SLC25A18: variants seen among roughly 807,000 people sequenced by gnomAD.
SLC25A18 encodes the protein mitochondrial glutamate carrier 2.
Under a neutral mutation model 31.1 loss-of-function variants are expected in SLC25A18, and 24 were observed. The observed-to-expected ratio is 0.77, with a 90% CI of 0.56 to 1.08. The LOEUF (loss-of-function observed/expected upper bound fraction) is 1.08. Among genes scored for constraint, SLC25A18 ranks in the 50% least tolerant of loss-of-function variants. The probability of loss-of-function intolerance (pLI) is 0.00; values close to 1 mark genes in which losing one functional copy is unlikely to be tolerated. For missense variants in SLC25A18, 371 were observed against 418.5 expected (o/e 0.89, Z 0.99); for synonymous variants, 173 against 161.9 (o/e 1.07, Z -0.52).
In SLC25A18 at chr22:17,590,085, T is replaced by C. The variant is rs774863788; in HGVS notation, c.807-10T>C. On this transcript the variant is annotated splice_polypyrimidine_tract_variant and intron_variant, in intron 10 of 10. Transcript: ENST00000327451. ...TGCCCATCAGCTCACTGGCTCTTCT[T>C]TCTCCCCAGGAAACTCTGGATTCAG... is the stretch of plus-strand genomic sequence containing the variant. 1.9e-6 allele frequency: 3 copies of C among 1,613,826 alleles called. No individual in the cohort carries two copies. The highest frequency in any genetic ancestry group is 3.3e-5 in the Admixed American group (2 of 60,012).
Position 17,580,229 on chromosome 22 carries a change from ATCG to A in SLC25A18, c.20+268_20+270del, listed in dbSNP as rs576418404. 3.5e-4 allele frequency: 138 copies of A among 398,138 alleles called. 1 individual carries two copies. In the South Asian group the frequency reaches 9.1e-3, roughly 26 times the overall value. 24.7% of individuals were successfully genotyped at this position (398,138 alleles called of 1,614,324 possible). The stretch of plus-strand genomic sequence containing the variant: ...CAAAATTAAGTTTACAGTTCTCTTT[ATCG>A]TCCCAAGTTTCTTCCTTTGTGAAAG... On this transcript the variant is annotated intron_variant, in intron 3 of 10. Coordinates refer to ENST00000327451, the MANE Select transcript of SLC25A18 (RefSeq NM_031481.3).
chr22:17,590,211 A>G lies in SLC25A18; in HGVS notation c.923A>G (p.Glu308Gly). The G allele has an allele frequency of 6.2e-7, 1 of 1,614,164 alleles. No homozygotes were observed. Among genetic ancestry groups the G allele is most frequent in the Non-Finnish European group, 8.5e-7 (1 of 1,180,030 alleles). Residue 308 changes from glutamate to glycine, a missense_variant, in exon 11 of 11, where the codon GAG becomes GGG. Coordinates refer to ENST00000327451, the MANE Select transcript of SLC25A18 (RefSeq NM_031481.3). The part of the protein sequence containing the change: ...AQGVYFIGIG[E>G]RILKCFD ...GGGGTCTATTTTATTGGGATTGGAG[A>G]GCGCATCTTAAAGTGTTTTGACTAG...
intron 1 of SLC25A18, among the ~76,000 whole-genome samples, chr22:17,566,617 G>T (rs989092937): frequency 2.6e-5 from 4 of 151,924 alleles, no homozygotes; most frequent in African/African-American, 9.7e-5. Flanking sequence ...TCTCCACGTT[G>T]GTCAGGCTGG....
In SLC25A18 at chr22:17,580,594, G is replaced by A. The variant is rs563043272; in HGVS notation, c.21-443G>A. The A allele has an allele frequency of 3.8e-5, 38 of 993,482 alleles. No homozygotes were observed. In the African/African-American group the frequency reaches 6.1e-4, roughly 16 times the overall value. The allele number at this position is 993,482 out of a possible 1,614,324, so 61.5% of individuals were successfully genotyped here. A position where few individuals can be genotyped will look rare whatever the true frequency, so the allele number is the denominator to read the frequency against. On this transcript the variant is annotated intron_variant, in intron 3 of 10. Transcript: ENST00000327451. The stretch of plus-strand genomic sequence containing the variant: ...TTCCATAGTCCTCAGCAACCCTGGA[G>A]TGAGTTCGACGGGAATGCAGGCCCA...
chr22:17,585,980 A>C (rs1025201046), intron 7 of SLC25A18, among the ~76,000 whole-genome samples: 1 of 152,010 alleles, frequency 6.6e-6, no homozygotes, highest in African/African-American at 2.4e-5. Context: ...ATGTGGTATA[A>C]CTCCATTCTA....
chr22:17,566,234 C>T (rs1032640360), intron 1 of SLC25A18, among the ~76,000 whole-genome samples: 5 of 152,118 alleles, frequency 3.3e-5, no homozygotes, highest in Non-Finnish European at 5.9e-5. Flanking sequence ...CTTCCCTCCC[C>T]GTCTCCTTAC....
Position 17,583,449 on chromosome 22 carries a change from C to T in SLC25A18, c.324C>T (p.Ala108=), listed in dbSNP as rs367806485. 1.1e-5 allele frequency: 17 copies of T among 1,613,938 alleles called. No individual in the cohort carries two copies. Among genetic ancestry groups the T allele is most frequent in the Admixed American group, 5.0e-5 (3 of 59,992 alleles). The change falls in exon 7 of 11, where the codon GCC becomes GCT. Residue 108 remains alanine, a synonymous_variant. Transcript: ENST00000327451. Reference sequence around the variant, plus strand: ...GGAACCTGAAGATGGAGATGCTTGCCGGGTGTGGGGCTGGGATGTGCCAGG... The same window carrying T: ...GGAACCTGAAGATGGAGATGCTTGCTGGGTGTGGGGCTGGGATGTGCCAGG... ...MQRNLKMEML[A]GCGAGMCQVV...
chr22:17,580,080 C>A, intron 3 of SLC25A18, 116 bp downstream of exon 3: 2 of 936,732 alleles, frequency 2.1e-6, no homozygotes, highest in Non-Finnish European at 3.3e-6. Flanking sequence ...AAGAGCAAGA[C>A]CCCTGTCCCC....
intron 4 of SLC25A18, 69 bp from the exon 5 acceptor site, chr22:17,581,289 G>A: frequency 6.2e-7 from 1 of 1,603,572 alleles, no homozygotes; most frequent in Non-Finnish European, 8.5e-7. Flanking sequence ...ATGTGCCCGC[G>A]GGAGCAGGGC....
chr22:17,580,559 C>CA lies in SLC25A18; in HGVS notation c.21-477dup, dbSNP rs528961707. 1.0e-5 allele frequency: 10 copies of CA among 990,062 alleles called. No homozygotes were observed. The South Asian group carries it at 1.4e-4, about 14-fold the overall frequency. The allele number at this position is 990,062 out of a possible 1,614,324, so 61.3% of individuals were successfully genotyped here. ...ATGAACAATAGCTGGCATTCCCCCC[C>CA]AGGCACGGTTTCCATAGTCCTCAGC... is the stretch of plus-strand genomic sequence containing the variant. On this transcript the variant is annotated intron_variant, in intron 3 of 10. Coordinates refer to ENST00000327451, the MANE Select transcript of SLC25A18 (RefSeq NM_031481.3).
intron 3 of SLC25A18, 174 bp from the exon 4 acceptor site, chr22:17,580,863 T>G (rs1018923516): frequency 7.4e-7 from 1 of 1,360,526 alleles, no homozygotes; most frequent in Non-Finnish European, 9.4e-7. Context: ...CCCGGGTGAG[T>G]GCGGCTGTCC....
intron 1 of SLC25A18, among the ~76,000 whole-genome samples, chr22:17,565,853 G>A (rs1160020292): frequency 1.3e-5 from 2 of 152,260 alleles, no homozygotes. Flanking sequence ...GGCAACAAGA[G>A]TGAAGCTCCG....
At chr22:17,588,123 A>G (rs1227709430) in intron 9 of SLC25A18, 44 bp downstream of exon 9, 1 of 1,608,862 alleles carries the variant, frequency 6.2e-7, no homozygotes, top group Non-Finnish European at 8.5e-7. Context: ...ATAAACAGTA[A>G]TTTTGCACTT....
chr22:17,580,108 A>G (rs1285956543), intron 3 of SLC25A18, 144 bp downstream of exon 3: 1 of 667,164 alleles, frequency 1.5e-6, no homozygotes, highest in African/African-American at 1.8e-5. Flanking sequence ...CATATACACT[A>G]CATCTACTGT....
At chr22:17,584,422 A>AGAAGGAAGGAAGGAAGGAAGGAAGAAAG in intron 7 of SLC25A18, among the ~76,000 whole-genome samples, 1 of 134,188 alleles carries the variant, frequency 7.5e-6, no homozygotes, top group East Asian at 2.1e-4. Context: ...AAAGAAAGAA[A>AGAAGGAAGGAAGGAAGGAAGGAAGAAAG]GAAGGAAGGA....
In SLC25A18 at chr22:17,572,766, C is replaced by T. The variant is rs960001603; in HGVS notation, c.-201+2780C>T. Among the ~76,000 whole-genome samples, 11 of 146,598 alleles carry T rather than the reference C, an allele frequency of 7.5e-5. 1 individual carries two copies. Among genetic ancestry groups the T allele is most frequent in the South Asian group, 2.1e-4 (1 of 4,720 alleles). On this transcript the variant is annotated intron_variant, in intron 2 of 10. Coordinates refer to ENST00000327451, the MANE Select transcript of SLC25A18 (RefSeq NM_031481.3). ...ACACCATTCTCCTGCCTCAGCCTCC[C>T]GAGTAGCTGGGACTACAGGCGCCCG... is the stretch of plus-strand genomic sequence containing the variant.
Position 17,581,406 on chromosome 22 carries a change from G to C in SLC25A18, c.192G>C (p.Met64Ile), listed in dbSNP as rs1350550841. Residue 64 changes from methionine to isoleucine, a missense_variant, in exon 5 of 11, where the codon ATG becomes ATC. By Grantham distance (10) the Met-to-Ile change is conservative. Transcript: ENST00000327451. ...KTARAEGFFGMYRGAAVNLTL... is the reference protein window; with the variant it reads ...KTARAEGFFGIYRGAAVNLTL... ...CTCGGGCGGAGGGCTTCTTCGGCATGTACCGAGGTGGGCTTCTCAGGTCCC... is the reference window on the plus strand; with the variant it reads ...CTCGGGCGGAGGGCTTCTTCGGCATCTACCGAGGTGGGCTTCTCAGGTCCC... The C allele has an allele frequency of 6.2e-7, 1 of 1,614,120 alleles. No individual in the cohort carries two copies. The highest frequency in any genetic ancestry group is 1.1e-5 in the South Asian group (1 of 91,084).
chr22:17,572,803 G>A lies in SLC25A18; in HGVS notation c.-201+2817G>A, dbSNP rs1482836373. On this transcript the variant is annotated intron_variant, in intron 2 of 10. Transcript: ENST00000327451. ...ACTACAGGCGCCCGCCACCACGCCCGGCTAATTTTTTGTATTTTTAGTAGA... is the reference window on the plus strand; with the variant it reads ...ACTACAGGCGCCCGCCACCACGCCCAGCTAATTTTTTGTATTTTTAGTAGA... Among the ~76,000 whole-genome samples, 104 of 150,044 alleles carry A rather than the reference G, an allele frequency of 6.9e-4. 1 individual carries two copies. The highest frequency in any genetic ancestry group is 4.4e-5 in the Non-Finnish European group (3 of 67,762).
chr22:17,568,287 A>G (rs983195830), intron 1 of SLC25A18, among the ~76,000 whole-genome samples: 1 of 151,332 alleles, frequency 6.6e-6, no homozygotes, highest in African/African-American at 2.4e-5. Flanking sequence ...GAATGGCGTG[A>G]ACGTGGGAGG....
Sources: gnomAD v4.1 joint callset for allele counts (sites outside exome capture counted in the v4.1 genomes callset) on GRCh38, gnomAD v4.1.1 for gene constraint, MANE v1.5 for transcripts, NCBI Gene and HGNC (gene_info 2026-07-23, HGNC 2026-07-21) for gene names.